The following SNX29 variants were observed in gnomAD, a reference collection of about 807,000 sequenced individuals.
The protein encoded by SNX29 is sorting nexin-29.
Under a neutral mutation model 102.1 loss-of-function variants are expected in SNX29, and 78 were observed. The observed-to-expected ratio is 0.76, with a 90% CI of 0.64 to 0.92. The LOEUF is 0.92. SNX29 is among the 40% of genes least tolerant of loss of function. SNX29 has a pLI of 0.00. For synonymous variants in SNX29, 580 were observed against 414.5 expected (o/e 1.40, Z -4.85); for missense variants, 1,280 against 1,061.7 (o/e 1.21, Z -2.86).
intron 18 of SNX29, among the ~76,000 whole-genome samples, chr16:12,404,639 G>A (rs969963000): frequency 6.6e-6 from 1 of 152,084 alleles, no homozygotes; most frequent in Non-Finnish European, 1.5e-5. Context: ...AAATTTTCTT[G>A]TCTATTAAGA....
chr16:12,316,589 C>T (rs373239192), intron 15 of SNX29, among the ~76,000 whole-genome samples: 1 of 152,120 alleles, frequency 6.6e-6, no homozygotes, highest in East Asian at 1.9e-4. Flanking sequence ...CGGGATCTTG[C>T]TCTCTCTCAC....
At chr16:12,324,212 T>G (rs1026470224) in intron 15 of SNX29, among the ~76,000 whole-genome samples, 1 of 151,796 alleles carries the variant, frequency 6.6e-6, no homozygotes, top group African/African-American at 2.4e-5. Context: ...GAGGACAGCA[T>G]CCTTGGAGCC....
intron 20 of SNX29, among the ~76,000 whole-genome samples, chr16:12,540,495 G>C (rs899098003): frequency 3.3e-5 from 5 of 152,226 alleles, no homozygotes; most frequent in Non-Finnish European, 7.3e-5. Context: ...CGGCAGGGCT[G>C]GCGCCTTCTC....
intron 20 of SNX29, among the ~76,000 whole-genome samples, chr16:12,557,983 T>C (rs998878511): frequency 6.6e-6 from 1 of 152,160 alleles, no homozygotes; most frequent in African/African-American, 2.4e-5. Context: ...GCTTAAGATT[T>C]TAGCCACGGT....
intron 5 of SNX29, among the ~76,000 whole-genome samples, chr16:12,043,279 A>G (rs2049959963): frequency 6.6e-6 from 1 of 152,040 alleles, no homozygotes. Flanking sequence ...AGGGCTCGGC[A>G]TGGCACTTGC....
chr16:12,402,126 G>A (rs531515335), intron 17 of SNX29, among the ~76,000 whole-genome samples: 3 of 152,332 alleles, frequency 2.0e-5, no homozygotes, highest in African/African-American at 7.2e-5. Flanking sequence ...AGTTTTGATG[G>A]CTCAGAATTG....
intron 16 of SNX29, among the ~76,000 whole-genome samples, chr16:12,359,499 C>G (rs2082240910): frequency 6.6e-6 from 1 of 152,200 alleles, no homozygotes; most frequent in Non-Finnish European, 1.5e-5. Flanking sequence ...TTCTTGCTTT[C>G]TCACTGTTTT....
intron 18 of SNX29, among the ~76,000 whole-genome samples, chr16:12,467,616 G>C (rs565847302): frequency 1.5e-5 from 2 of 129,996 alleles, no homozygotes; most frequent in African/African-American, 7.1e-5. Flanking sequence ...TCGTTTGTTC[G>C]TTCGTTAGTT....
intron 20 of SNX29, among the ~76,000 whole-genome samples, chr16:12,537,772 CA>C (rs201910902): frequency 4.0e-5 from 6 of 151,260 alleles, no homozygotes; most frequent in African/African-American, 1.5e-4. Flanking sequence ...TTTGTTTAAA[CA>C]AAAAAAAGTA....
intron 16 of SNX29, among the ~76,000 whole-genome samples, chr16:12,369,406 G>T (rs562494801): frequency 1.3e-5 from 2 of 152,280 alleles, no homozygotes; most frequent in East Asian, 3.9e-4. Context: ...AAAGTGCTGG[G>T]ATTACAGGCG....
intron 15 of SNX29, among the ~76,000 whole-genome samples, chr16:12,284,721 C>CTT (rs879835967): frequency 6.9e-6 from 1 of 145,178 alleles, no homozygotes; most frequent in Admixed American, 6.9e-5. Flanking sequence ...GTTTCGGTTC[C>CTT]TTTTTTTTTT....
intron 14 of SNX29, among the ~76,000 whole-genome samples, chr16:12,220,305 TGGGAGGGA>T (rs1214795376): frequency 1.9e-4 from 3 of 15,728 alleles, no homozygotes; most frequent in Non-Finnish European, 4.4e-4. Flanking sequence ...GTTTTCTTTA[TGGGAGGGA>T]GGGAGGGAGG....
At chr16:12,454,608 G>A (rs2086453630) in intron 18 of SNX29, among the ~76,000 whole-genome samples, 2 of 152,218 alleles carry the variant, frequency 1.3e-5, no homozygotes, top group Non-Finnish European at 1.5e-5. Flanking sequence ...GAAGAGAGAG[G>A]TGAGGAAGAA....
intron 14 of SNX29, among the ~76,000 whole-genome samples, chr16:12,212,302 A>G (rs2077207567): frequency 6.6e-6 from 1 of 152,210 alleles, no homozygotes; most frequent in African/African-American, 2.4e-5. Context: ...TCGGAAGTGG[A>G]CATCAGGGTT....
intron 18 of SNX29, among the ~76,000 whole-genome samples, chr16:12,476,853 A>G (rs1241389420): frequency 6.6e-6 from 1 of 152,186 alleles, no homozygotes. Context: ...CACTCACATT[A>G]GAGATGCCTG....
chr16:12,435,898 C>T (rs2085511700), intron 18 of SNX29, among the ~76,000 whole-genome samples: 1 of 152,134 alleles, frequency 6.6e-6, no homozygotes, highest in African/African-American at 2.4e-5. Context: ...TGGCAGGAAG[C>T]AGAGCTAGGG....
chr16:12,324,596 C>T (rs1253470511), intron 15 of SNX29, among the ~76,000 whole-genome samples: 1 of 152,068 alleles, frequency 6.6e-6, no homozygotes, highest in Non-Finnish European at 1.5e-5. Flanking sequence ...TAAAATTGTA[C>T]TGGGTGAGCA....
intron 3 of SNX29, among the ~76,000 whole-genome samples, chr16:12,020,191 C>T (rs891860243): frequency 2.6e-5 from 4 of 151,682 alleles, no homozygotes; most frequent in African/African-American, 9.7e-5. Flanking sequence ...GGTGCGATCC[C>T]GGCTCACTGT....
chr16:12,476,243 A>C (rs1201284520), intron 18 of SNX29, among the ~76,000 whole-genome samples: 1 of 145,316 alleles, frequency 6.9e-6, no homozygotes, highest in African/African-American at 2.5e-5. Context: ...AATCGCTTGA[A>C]CTTGGAGGTG....
Sources: gnomAD v4.1 joint callset for allele counts (sites outside exome capture counted in the v4.1 genomes callset) on GRCh38, gnomAD v4.1.1 for gene constraint, MANE v1.5 for transcripts, NCBI Gene and HGNC (gene_info 2026-07-23, HGNC 2026-07-21) for gene names.